The following KDELR3 variants were observed in gnomAD, a reference collection of about 807,000 sequenced individuals.
The protein encoded by KDELR3 is ER lumen protein-retaining receptor 3.
KDELR3 carries 26 observed loss-of-function variants against 22.7 expected under a neutral mutation model. That is an observed-to-expected ratio of 1.15 (90% CI 0.84 to 1.59). KDELR3 has a LOEUF of 1.59. Among genes scored for constraint, KDELR3 ranks in the 40% most tolerant of loss-of-function variants. The pLI is 0.00. For synonymous variants in KDELR3, 120 were observed against 98.2 expected (o/e 1.22, Z -1.31); for missense variants, 289 against 251.1 (o/e 1.15, Z -1.02).
At position 38,468,250 on chromosome 22, in the gene KDELR3, T is replaced by C. The variant is rs1395143880; in HGVS notation, c.17T>C (p.Ile6Thr). MNVFR[I>T]LGDLSHLLAM... ...GGCTGGACCATGAACGTGTTCCGAA[T>C]CCTCGGCGACCTGAGCCACCTCCTG... Residue 6 changes from isoleucine (I) to threonine (T), a missense_variant, in exon 1 of 5, where the codon ATC becomes ACC. Physicochemically the swap from Ile to Thr is moderately conservative, Grantham distance 89 (BLOSUM62 -1). Coordinates refer to ENST00000216014, the MANE Select transcript of KDELR3 (RefSeq NM_006855.4). 6.2e-7 allele frequency: 1 copy of C among 1,613,790 alleles called. No individual in the cohort carries two copies.
Position 38,483,201 on chromosome 22 carries a change from C to A in KDELR3, c.*665C>A, listed in dbSNP as rs2089618153. ...TAACCTAATGGTACTTAGGCGAGTA[C>A]CATTTGCACAATCACTGTTTTACTT... On this transcript the variant is annotated 3_prime_UTR_variant, in exon 5 of 5. Transcript: ENST00000216014. The A allele has an allele frequency of 6.6e-6, 1 of 152,206 alleles. No individual in the cohort carries two copies. The highest frequency in any genetic ancestry group is 6.5e-5 in the Admixed American group (1 of 15,280). 9.4% of individuals were successfully genotyped at this position (152,206 alleles called of 1,614,324 possible). A position where few individuals can be genotyped will look rare whatever the true frequency, so the allele number is the denominator to read the frequency against.
rs937287107 is a variant in KDELR3, at chr22:38,482,824, A to ATGAT, written c.*291_*294dup. On this transcript the variant is annotated 3_prime_UTR_variant, in exon 5 of 5. Coordinates refer to ENST00000216014, the MANE Select transcript of KDELR3 (RefSeq NM_006855.4). ...CTTACCGACGAAATAAAAAACATAAATGATTGTTCTCCAAGGCCTGAGGGC... is the reference window on the plus strand; with the variant it reads ...CTTACCGACGAAATAAAAAACATAAATGATTGATTGTTCTCCAAGGCCTGAGGGC... 223 of 415,370 alleles carry ATGAT rather than the reference A, an allele frequency of 5.4e-4. No homozygotes were observed. The highest frequency in any genetic ancestry group is 1.3e-4 in the Non-Finnish European group (31 of 232,758). The allele number at this position is 415,370 out of a possible 1,614,324, so 25.7% of individuals were successfully genotyped here. A position where few individuals can be genotyped will look rare whatever the true frequency, so the allele number is the denominator to read the frequency against.
chr22:38,481,877 G>A (rs1056630026), intron 4 of KDELR3, among the ~76,000 whole-genome samples: 1 of 152,196 alleles, frequency 6.6e-6, no homozygotes, highest in African/African-American at 2.4e-5. Flanking sequence ...GGCCCACACT[G>A]AAGAATTGTC....
intron 4 of KDELR3, 26 bp from the exon 5 acceptor site, chr22:38,482,467 ATTC>A (rs780927064): frequency 1.6e-5 from 25 of 1,587,512 alleles, no homozygotes; most frequent in Non-Finnish European, 2.1e-5. Flanking sequence ...CAGATGGTAA[ATTC>A]TTATTTCATC....
rs1196347005 is a variant in KDELR3, at chr22:38,479,651, A to T, written c.251A>T (p.Lys84Ile). The T allele has an allele frequency of 6.2e-7, 1 of 1,614,084 alleles. No homozygotes were observed. The highest frequency in any genetic ancestry group is 1.7e-5 in the Admixed American group (1 of 60,024). The change falls in exon 3 of 5, where the codon AAA becomes ATA. Residue 84 changes from lysine (K) to isoleucine (I), a missense_variant. By Grantham distance (102) the Lys-to-Ile change is moderately radical. Coordinates refer to ENST00000216014, the MANE Select transcript of KDELR3 (RefSeq NM_006855.4). ...TACATGATATATGGGAAATTCCGTA[A>T]AACTTTTGACAGTGAGAATGACACA... ...TVYMIYGKFRKTFDSENDTFR... is the reference protein window; with the variant it reads ...TVYMIYGKFRITFDSENDTFR...
chr22:38,468,707 G>T (rs2089503626), intron 1 of KDELR3, among the ~76,000 whole-genome samples: 1 of 152,152 alleles, frequency 6.6e-6, no homozygotes, highest in African/African-American at 2.4e-5. Flanking sequence ...CGATTCTCAA[G>T]GTCTTCTCTT....
At position 38,468,330 on chromosome 22, in the gene KDELR3, G is replaced by A. The variant is rs755282710; in HGVS notation, c.91+6G>A. ...GAGGTCCAAGTGCTGCAAGGGTGAG[G>A]GGCGCCTGGCAGGGAGGTGCGGGAC... On this transcript the variant is annotated splice_donor_region_variant and intron_variant, in intron 1 of 4. Transcript: ENST00000216014. The A allele has an allele frequency of 8.1e-5, 130 of 1,613,080 alleles. No homozygotes were observed. In the Admixed American group the frequency reaches 9.0e-4, roughly 11 times the overall value.
intron 1 of KDELR3, among the ~76,000 whole-genome samples, chr22:38,469,970 C>T (rs2145961582): frequency 6.6e-6 from 1 of 152,010 alleles, no homozygotes; most frequent in African/African-American, 2.4e-5. Flanking sequence ...CAGGCACGCA[C>T]CACCACACCC....
intron 1 of KDELR3, among the ~76,000 whole-genome samples, chr22:38,469,689 C>T (rs1280381516): frequency 6.6e-6 from 1 of 152,202 alleles, no homozygotes; most frequent in Non-Finnish European, 1.5e-5. Context: ...GAAGGCCCTG[C>T]ACGGAGTGAG....
rs968798263 is a variant in KDELR3 at position 38,482,643 on chromosome 22, A to G, written c.*107A>G. On this transcript the variant is annotated 3_prime_UTR_variant, in exon 5 of 5. Coordinates refer to ENST00000216014, the MANE Select transcript of KDELR3 (RefSeq NM_006855.4). Reference sequence around the variant, plus strand: ...TTTGGGATCAAATGTTAAAACCAGAAAAGTGTTTAGTGTGGATTTCAGCAA... The same window carrying G: ...TTTGGGATCAAATGTTAAAACCAGAGAAGTGTTTAGTGTGGATTTCAGCAA... 1.6e-5 allele frequency: 17 copies of G among 1,040,932 alleles called. No homozygotes were observed. Among genetic ancestry groups the G allele is most frequent in the South Asian group, 6.8e-5 (5 of 73,836 alleles). The allele number at this position is 1,040,932 out of a possible 1,614,324, so 64.5% of individuals were successfully genotyped here.
intron 1 of KDELR3, among the ~76,000 whole-genome samples, chr22:38,473,116 C>T (rs894594719): frequency 1.3e-5 from 2 of 152,056 alleles, no homozygotes; most frequent in African/African-American, 4.8e-5. Context: ...AAGAAAGAGA[C>T]CAAAGTGGGT....
chr22:38,478,916 T>C (rs1348345330), intron 2 of KDELR3, among the ~76,000 whole-genome samples: 1 of 152,020 alleles, frequency 6.6e-6, no homozygotes, highest in Non-Finnish European at 1.5e-5. Context: ...GTGCTGGGAT[T>C]ACAGGTGTGA....
At position 38,482,656 on chromosome 22, in the gene KDELR3, T is replaced by A; in HGVS notation, c.*120T>A. ...GTTAAAACCAGAAAAGTGTTTAGTG[T>A]GGATTTCAGCAAAACCTGATCATCC... On this transcript the variant is annotated 3_prime_UTR_variant, in exon 5 of 5. Coordinates refer to ENST00000216014, the MANE Select transcript of KDELR3 (RefSeq NM_006855.4). 1 of 887,702 alleles carries A rather than the reference T, an allele frequency of 1.1e-6. No homozygotes were observed. The highest frequency in any genetic ancestry group is 1.8e-6 in the Non-Finnish European group (1 of 554,178). 55.0% of individuals were successfully genotyped at this position (887,702 alleles called of 1,614,324 possible). A position where few individuals can be genotyped will look rare whatever the true frequency, so the allele number is the denominator to read the frequency against.
At chr22:38,469,312 A>G (rs1012485196) in intron 1 of KDELR3, among the ~76,000 whole-genome samples, 1 of 152,170 alleles carries the variant, frequency 6.6e-6, no homozygotes, top group African/African-American at 2.4e-5. Context: ...AGGCTGGTCC[A>G]GATGTGAAAG....
In KDELR3 at chr22:38,481,419, C is replaced by T. The variant is rs751302050; in HGVS notation, c.559C>T (p.Gln187Ter). ...DQIAVVSGVVQTIFYCDFFYL... is the reference protein window; with the variant it reads ...DQIAVVSGVV ...AATTGCAGTCGTGTCTGGAGTAGTA[C>T]AAACCATCTTCTACTGTGACTTCTT... is the stretch of plus-strand genomic sequence containing the variant. The change falls in exon 4 of 5, where the codon CAA (glutamine) becomes TAA (stop). Residue 187 changes from glutamine to a stop codon, truncating the protein, a stop_gained. Transcript: ENST00000216014. LOFTEE classifies it high-confidence loss of function. 2 of 1,613,984 alleles carry T rather than the reference C, an allele frequency of 1.2e-6. No homozygotes were observed. The highest frequency in any genetic ancestry group is 2.7e-5 in the African/African-American group (2 of 74,892).
intron 1 of KDELR3, among the ~76,000 whole-genome samples, chr22:38,472,745 G>A (rs1396516810): frequency 5.9e-5 from 9 of 152,054 alleles, no homozygotes; most frequent in South Asian, 2.1e-4. Context: ...TGTTGCCCAG[G>A]CTGGAGTGCA....
In KDELR3 at chr22:38,470,855, A is replaced by AC. The variant is rs557191177; in HGVS notation, c.91+2533dup. ...TGTGAAAACTATTGTGCTCAAGATC[A>AC]CCGGGGGGCTGGGCACAGTGGCTCA... On this transcript the variant is annotated intron_variant, in intron 1 of 4. Transcript: ENST00000216014. 5.3e-5 allele frequency among the ~76,000 whole-genome samples: 8 copies of AC among 152,180 alleles called. No homozygotes were observed. The East Asian group carries it at 1.6e-3, about 29-fold the overall frequency.
At chr22:38,474,335 G>C (rs112752950) in intron 1 of KDELR3, 188 bp from the exon 2 acceptor site, 178 of 550,634 alleles carry the variant, frequency 3.2e-4, no homozygotes, top group African/African-American at 2.6e-3. Flanking sequence ...GAGGAACGAC[G>C]ACTCAAGTGA....
At position 38,482,593 on chromosome 22, in the gene KDELR3, G is replaced by A. The variant is rs1465486398; in HGVS notation, c.*57G>A. 1.3e-5 allele frequency: 19 copies of A among 1,427,268 alleles called. No individual in the cohort carries two copies. In the Middle Eastern group the frequency reaches 5.3e-4, roughly 40 times the overall value. 88.4% of individuals were successfully genotyped at this position (1,427,268 alleles called of 1,614,324 possible). The stretch of plus-strand genomic sequence containing the variant: ...GCACATGAAGGAAACTATTTTGAAT[G>A]TTCTCTTTGGCAACTTATCCATAAT... On this transcript the variant is annotated 3_prime_UTR_variant, in exon 5 of 5. Coordinates refer to ENST00000216014, the MANE Select transcript of KDELR3 (RefSeq NM_006855.4).
Sources: allele counts gnomAD v4.1 joint callset (sites outside exome capture counted in the v4.1 genomes callset), GRCh38; gene constraint gnomAD v4.1.1; transcripts MANE v1.5; gene names NCBI Gene and HGNC (gene_info 2026-07-23, HGNC 2026-07-21).